SLC30A9: variants seen among roughly 807,000 people sequenced by gnomAD.
SLC30A9 encodes the protein solute carrier family 30 member 9, also known as proton-coupled zinc antiporter SLC30A9, mitochondrial.
SLC30A9 carries 58 observed loss-of-function variants against 87.5 expected under a neutral mutation model. The observed-to-expected ratio is 0.66, with a 90% confidence interval of 0.54 to 0.82. The LOEUF (loss-of-function observed/expected upper bound fraction) is 0.82. Ranked by LOEUF, SLC30A9 falls within the 40% of genes least tolerant of loss-of-function variation. The pLI, the probability that SLC30A9 is intolerant of heterozygous loss-of-function variation, is 0.00. For missense variants in SLC30A9, 557 were observed against 679.1 expected, an observed-to-expected ratio of 0.82 and a Z score of 2.00; for synonymous variants, 234 against 233.0, an observed-to-expected ratio of 1.00 and a Z score of -0.04.
intron 15 of SLC30A9, among the ~76,000 whole-genome samples, chr4:42,073,734 G>A (rs1456621346): frequency 6.6e-6 from 1 of 152,176 alleles, no homozygotes; most frequent in Non-Finnish European, 1.5e-5. Context: ...ATCAAAGCGT[G>A]CAAATTGATA....
Position 42,038,983 on chromosome 4 carries a change from C to A in SLC30A9, c.670-3C>A. ...ATTAAAAAAAGTTTTTGTTTTTTTA[C>A]AGCCACGCTCCAGAACAGCATCAGT... On this transcript the variant is annotated splice_polypyrimidine_tract_variant and splice_region_variant and intron_variant, in intron 7 of 17. Transcript: ENST00000264451. 1 of 1,612,206 alleles carries A rather than the reference C, an allele frequency of 6.2e-7. No homozygotes were observed. The highest frequency in any genetic ancestry group is 8.5e-7 in the Non-Finnish European group (1 of 1,178,880).
intron 8 of SLC30A9, among the ~76,000 whole-genome samples, chr4:42,048,891 T>G (rs1717273928): frequency 6.6e-6 from 1 of 152,218 alleles, no homozygotes; most frequent in Non-Finnish European, 1.5e-5. Context: ...TTTTTTCAAA[T>G]TTTTACTCTT....
intron 2 of SLC30A9, among the ~76,000 whole-genome samples, chr4:42,012,756 A>ATT (rs1715504623): frequency 3.3e-5 from 5 of 152,132 alleles, no homozygotes; most frequent in African/African-American, 1.2e-4. Context: ...ATTTTACTAA[A>ATT]CAACCCCTCC....
Position 42,005,112 on chromosome 4 carries a change from C to T in SLC30A9, c.274+3332C>T, listed in dbSNP as rs114811249. On this transcript the variant is annotated intron_variant, in intron 2 of 17. Transcript: ENST00000264451. Reference sequence around the variant, plus strand: ...TGCTATATGAAATCTTTTTGTTTCTCACTATATGAGACTTTTCTTCCCTTT... The same window carrying T: ...TGCTATATGAAATCTTTTTGTTTCTTACTATATGAGACTTTTCTTCCCTTT... Among the ~76,000 whole-genome samples, 155 of 152,230 alleles carry T rather than the reference C, an allele frequency of 1.0e-3. 1 individual carries two copies. Among genetic ancestry groups the T allele is most frequent in the African/African-American group, 3.6e-3 (150 of 41,548 alleles).
intron 6 of SLC30A9, among the ~76,000 whole-genome samples, chr4:42,024,160 C>T (rs1168691042): frequency 1.3e-5 from 2 of 152,192 alleles, no homozygotes; most frequent in Non-Finnish European, 2.9e-5. Context: ...GAACAAGAAG[C>T]TGTGCTTGGT....
intron 2 of SLC30A9, among the ~76,000 whole-genome samples, chr4:42,011,058 G>T (rs1715420485): frequency 6.6e-6 from 1 of 152,148 alleles, no homozygotes; most frequent in South Asian, 2.1e-4. Context: ...TAGGCCTAGG[G>T]AGGCAAGGAG....
chr4:42,026,676 T>C (rs1311423170), intron 6 of SLC30A9, among the ~76,000 whole-genome samples: 1 of 151,968 alleles, frequency 6.6e-6, no homozygotes, highest in Non-Finnish European at 1.5e-5. Context: ...TTAATAAATT[T>C]TGCCTTGTAT....
At chr4:42,075,510 T>C in intron 15 of SLC30A9, 147 bp from the exon 16 acceptor site, 1 of 642,522 alleles carries the variant, frequency 1.6e-6, no homozygotes, top group East Asian at 3.1e-5. Context: ...TGATAGGTGG[T>C]ACTTAATGGT....
intron 2 of SLC30A9, among the ~76,000 whole-genome samples, chr4:42,003,439 T>C (rs553362448): frequency 1.4e-4 from 21 of 152,234 alleles, no homozygotes; most frequent in African/African-American, 5.1e-4. Context: ...TCTTTTTTTA[T>C]GGTTCTGTAA....
chr4:42,037,834 G>T (rs377262481), intron 7 of SLC30A9, among the ~76,000 whole-genome samples: 56 of 151,908 alleles, frequency 3.7e-4, no homozygotes, highest in Middle Eastern at 3.4e-3. Flanking sequence ...TGTTGCCCAC[G>T]ATCTCAGCTC....
chr4:42,075,029 A>G (rs1718465471), intron 15 of SLC30A9, among the ~76,000 whole-genome samples: 1 of 3,836 alleles, frequency 2.6e-4, no homozygotes, highest in African/African-American at 9.3e-4. Context: ...GAATATATAT[A>G]TATATATATA....
chr4:42,075,517 T>C, intron 15 of SLC30A9, 140 bp from the exon 16 acceptor site: 1 of 692,276 alleles, frequency 1.4e-6, no homozygotes, highest in Non-Finnish European at 2.4e-6. Flanking sequence ...TGGTACTTAA[T>C]GGTGAATACT....
In SLC30A9 at chr4:42,031,905, G is replaced by A. The variant is rs867931628; in HGVS notation, c.611-3370G>A. 5.3e-4 allele frequency among the ~76,000 whole-genome samples: 81 copies of A among 152,182 alleles called. No homozygotes were observed. The Middle Eastern group carries it at 0.017, about 32-fold the overall frequency. Reference sequence around the variant, plus strand: ...CTATCTAGCTGTTTAGTCAGTTCTCGTATTGCTATAAAGAAATACCTGAGA... The same window carrying A: ...CTATCTAGCTGTTTAGTCAGTTCTCATATTGCTATAAAGAAATACCTGAGA... On this transcript the variant is annotated intron_variant, in intron 6 of 17. Transcript: ENST00000264451.
chr4:42,060,495 T>C (rs1359890376), intron 10 of SLC30A9, among the ~76,000 whole-genome samples: 1 of 152,190 alleles, frequency 6.6e-6, no homozygotes. Context: ...TTCTCCATAT[T>C]TGATAATAAT....
chr4:42,040,812 A>C (rs1381227313), intron 8 of SLC30A9, among the ~76,000 whole-genome samples: 1 of 420 alleles, frequency 2.4e-3, no homozygotes, highest in Non-Finnish European at 7.4e-3. Context: ...AAAAAAAAAG[A>C]AAAAGAAAAA....
chr4:41,990,669 C>A lies in SLC30A9; in HGVS notation c.18C>A (p.Ala6=). 6.2e-7 allele frequency: 1 copy of A among 1,606,660 alleles called. No homozygotes were observed. The highest frequency in any genetic ancestry group is 8.5e-7 in the Non-Finnish European group (1 of 1,175,572). The change falls in exon 1 of 18, where the codon GCC becomes GCA. Residue 6 remains alanine, a synonymous_variant. Coordinates refer to ENST00000264451, the MANE Select transcript of SLC30A9 (RefSeq NM_006345.4). The part of the protein sequence containing the change: MLPGL[A]AAAAHRCSWS... ...CCACCAGGATGTTACCCGGCTTGGC[C>A]GCCGCCGCGGCCCACAGATGTAGCT...
At position 41,992,827 on chromosome 4, in the gene SLC30A9, A is replaced by G. The variant is rs141275806; in HGVS notation, c.109+2067A>G. Among the ~76,000 whole-genome samples the G allele has an allele frequency of 5.9e-5, 9 of 152,308 alleles. No homozygotes were observed. In the South Asian group the frequency reaches 1.7e-3, roughly 28 times the overall value. On this transcript the variant is annotated intron_variant, in intron 1 of 17. Coordinates refer to ENST00000264451, the MANE Select transcript of SLC30A9 (RefSeq NM_006345.4). ...AAAAATCATTTAGAAAAAGAGTACT[A>G]TTTAAATTGGATGCATGTGAGAAGA...
intron 1 of SLC30A9, among the ~76,000 whole-genome samples, chr4:41,998,225 G>A (rs367596366): frequency 6.6e-6 from 1 of 152,170 alleles, no homozygotes; most frequent in Non-Finnish European, 1.5e-5. Flanking sequence ...AGACGGAGAA[G>A]TGTGGCTGTT....
At chr4:42,007,421 C>T (rs1360412596) in intron 2 of SLC30A9, among the ~76,000 whole-genome samples, 1 of 152,092 alleles carries the variant, frequency 6.6e-6, no homozygotes, top group Non-Finnish European at 1.5e-5. Flanking sequence ...AGTTGGTTAT[C>T]CAGTGAATCT....
Sources: allele counts gnomAD v4.1 joint callset (sites outside exome capture counted in the v4.1 genomes callset), GRCh38; gene constraint gnomAD v4.1.1; transcripts MANE v1.5; gene names NCBI Gene and HGNC (gene_info 2026-07-23, HGNC 2026-07-21).